Variants in WDR93 observed in about 807,000 individuals in gnomAD.
The protein encoded by WDR93 is WD repeat domain 93, also known as WD repeat-containing protein 93.
In WDR93, 73 loss-of-function variants were observed where a neutral mutation model predicts 82.9. That is an observed-to-expected ratio of 0.88 (90% confidence interval 0.73 to 1.07). The LOEUF (loss-of-function observed/expected upper bound fraction) is 1.07, where lower values mean the gene tolerates loss of function less well. WDR93 is among the 50% of genes least tolerant of loss of function. WDR93 has a pLI of 0.00. For synonymous variants in WDR93, 283 were observed against 300.1 expected (o/e 0.94, Z 0.59); for missense variants, 738 against 826.0 (o/e 0.89, Z 1.31).
intron 16 of WDR93, among the ~76,000 whole-genome samples, chr15:89,739,677 C>T (rs531567846): frequency 1.3e-5 from 2 of 152,312 alleles, no homozygotes; most frequent in East Asian, 1.9e-4. Context: ...CCTGGATCCT[C>T]GTCCCGGGCC....
intron 8 of WDR93, 50 bp downstream of exon 8, chr15:89,722,189 T>C: frequency 7.5e-7 from 1 of 1,328,580 alleles, no homozygotes; most frequent in Non-Finnish European, 1.1e-6. Context: ...TATCTGTTCT[T>C]TCTTCCTTTC....
At chr15:89,726,559 GC>G (rs1185691503) in intron 8 of WDR93, among the ~76,000 whole-genome samples, 1 of 152,218 alleles carries the variant, frequency 6.6e-6, no homozygotes, top group East Asian at 1.9e-4. Context: ...AACTCAGGGT[GC>G]AAATCCAGAA....
At chr15:89,695,153 T>C (rs1259858065) in intron 1 of WDR93, among the ~76,000 whole-genome samples, 1 of 122,804 alleles carries the variant, frequency 8.1e-6, no homozygotes, top group African/African-American at 3.1e-5. Context: ...CTTCTTAATT[T>C]CTGGAAAAAA....
intron 1 of WDR93, among the ~76,000 whole-genome samples, chr15:89,693,149 A>G (rs559124080): frequency 2.6e-5 from 4 of 152,362 alleles, no homozygotes; most frequent in Non-Finnish European, 5.9e-5. Flanking sequence ...TGAAGCCATT[A>G]TAAATAAAGC....
rs556805833 is a variant in WDR93 at position 89,727,027 on chromosome 15, T to C, written c.881-130T>C. Reference sequence around the variant, plus strand: ...CGGGAGAAGACTGAATACAGACCAATTGCAGAGCAAGAATCGATTTCTGAG... The same window carrying C: ...CGGGAGAAGACTGAATACAGACCAACTGCAGAGCAAGAATCGATTTCTGAG... On this transcript the variant is annotated intron_variant, in intron 8 of 16. Transcript: ENST00000268130. 58 of 1,047,028 alleles carry C rather than the reference T, an allele frequency of 5.5e-5. 1 individual carries two copies. The East Asian group carries it at 1.2e-3, about 22-fold the overall frequency. The allele number at this position is 1,047,028 out of a possible 1,614,324, so 64.9% of individuals were successfully genotyped here. A position where few individuals can be genotyped will look rare whatever the true frequency, so the allele number is the denominator to read the frequency against.
At chr15:89,728,843 A>G (rs1323141650) in intron 9 of WDR93, among the ~76,000 whole-genome samples, 180 bp from the exon 10 acceptor site, 1 of 152,150 alleles carries the variant, frequency 6.6e-6, no homozygotes, top group Admixed American at 6.5e-5. Context: ...CCTCACCAGC[A>G]TCCAAGGTCA....
In WDR93 at chr15:89,701,845, G is replaced by A. The variant is rs1965480312; in HGVS notation, c.99G>A (p.Trp33Ter). 1.9e-6 allele frequency: 3 copies of A among 1,614,186 alleles called. No homozygotes were observed. The highest frequency in any genetic ancestry group is 4.5e-5 in the East Asian group (2 of 44,884). ...TGCCACCCCCAACAGAGAAGGACTG[G>A]CCTAAAGACGATGAACAGGATCATG... Reference protein sequence around the residue: ...LEVPPPTEKDWPKDDEQDHVL... With the variant: ...LEVPPPTEKD The change falls in exon 2 of 17, where the codon TGG becomes TGA. Residue 33 changes from tryptophan (W) to a stop codon, truncating the protein, a stop_gained. Coordinates refer to ENST00000268130, the MANE Select transcript of WDR93 (RefSeq NM_020212.2). LOFTEE classifies it high-confidence loss of function.
In WDR93 at chr15:89,727,341, A is replaced by T. The variant is rs1384777878; in HGVS notation, c.1052+13A>T. ...AAGAGCCACTCAGGTGAGCCTCCTA[A>T]TCCCGGGAAAGCCAGGGAGCATCCC... On this transcript the variant is annotated intron_variant, in intron 9 of 16. Transcript: ENST00000268130. 6.2e-7 allele frequency: 1 copy of T among 1,612,530 alleles called. No individual in the cohort carries two copies. Among genetic ancestry groups the T allele is most frequent in the Non-Finnish European group, 8.5e-7 (1 of 1,179,542 alleles).
intron 8 of WDR93, among the ~76,000 whole-genome samples, chr15:89,725,789 G>A (rs538041967): frequency 2.6e-5 from 4 of 152,006 alleles, no homozygotes; most frequent in East Asian, 1.9e-4. Context: ...CTCAAACTCC[G>A]GGGCTCAAGC....
chr15:89,735,070 C>T (rs1484128790), intron 13 of WDR93, among the ~76,000 whole-genome samples: 1 of 151,006 alleles, frequency 6.6e-6, no homozygotes, highest in East Asian at 2.0e-4. Flanking sequence ...TTGTTTGAGA[C>T]ACGGTCTCAC....
chr15:89,712,351 A>C (rs1966017143), intron 5 of WDR93, among the ~76,000 whole-genome samples: 1 of 129,198 alleles, frequency 7.7e-6, no homozygotes, highest in Non-Finnish European at 1.7e-5. Context: ...ACTAACTCTT[A>C]ACTACAGATT....
chr15:89,732,176 T>C (rs533781071), intron 12 of WDR93, among the ~76,000 whole-genome samples: 1 of 152,338 alleles, frequency 6.6e-6, no homozygotes, highest in South Asian at 2.1e-4. Context: ...TAAAGGCCAG[T>C]AATGACTCAG....
At chr15:89,738,010 C>A (rs1448699839) in intron 15 of WDR93, 31 bp from the exon 16 acceptor site, 1 of 1,572,926 alleles carries the variant, frequency 6.4e-7, no homozygotes, top group South Asian at 1.2e-5. Flanking sequence ...GCGATTGTTA[C>A]ACAGAACATG....
intron 8 of WDR93, among the ~76,000 whole-genome samples, chr15:89,723,344 AAGG>A (rs1966603850): frequency 6.6e-6 from 1 of 151,854 alleles, no homozygotes; most frequent in African/African-American, 2.4e-5. Flanking sequence ...TGAGAGGCCA[AAGG>A]AGGAGGATCA....
chr15:89,735,697 G>T, intron 14 of WDR93, 144 bp downstream of exon 14: 1 of 806,070 alleles, frequency 1.2e-6, no homozygotes, highest in Non-Finnish European at 2.0e-6. Flanking sequence ...CAAATAGAAA[G>T]AGAAAGAACC....
Position 89,731,468 on chromosome 15 carries a change from T to C in WDR93, c.1236T>C (p.Ala412=), listed in dbSNP as rs1567125856. 5 of 1,614,212 alleles carry C rather than the reference T, an allele frequency of 3.1e-6. No individual in the cohort carries two copies. The South Asian group carries it at 3.3e-5, about 11-fold the overall frequency. ...ACCCCGAGGGTGTGTGGCCCTGTGC[T>C]GCGCCCATTGCAGTCTCTCAGCTCA... ...KADPEGVWPC[A]APIAVSQLSC... Residue 412 remains alanine (A), a synonymous_variant, in exon 12 of 17, where the codon GCT becomes GCC. Coordinates refer to ENST00000268130, the MANE Select transcript of WDR93 (RefSeq NM_020212.2).
intron 14 of WDR93, 91 bp downstream of exon 14, chr15:89,735,644 A>G (rs1222214928): frequency 7.4e-7 from 1 of 1,354,490 alleles, no homozygotes; most frequent in East Asian, 2.3e-5. Flanking sequence ...ATGCTTATTG[A>G]AGGCCTGTTA....
intron 9 of WDR93, 26 bp from the exon 10 acceptor site, chr15:89,728,997 C>T (rs1596111348): frequency 1.2e-6 from 2 of 1,606,832 alleles, no homozygotes; most frequent in African/African-American, 1.3e-5. Context: ...CTACATGGCT[C>T]TGACTCGTGT....
In WDR93 at chr15:89,709,826, T is replaced by A. The variant is rs2141620424; in HGVS notation, c.562-2200T>A. 2.6e-5 allele frequency among the ~76,000 whole-genome samples: 4 copies of A among 151,908 alleles called. No homozygotes were observed. The South Asian group carries it at 8.3e-4, about 32-fold the overall frequency. The stretch of plus-strand genomic sequence containing the variant: ...TGAAAACATTTGTTCACAAAAAGAT[T>A]TGTACAAGATGTTCATAGCAGCTGT... On this transcript the variant is annotated intron_variant, in intron 4 of 16. Coordinates refer to ENST00000268130, the MANE Select transcript of WDR93 (RefSeq NM_020212.2).
Sources: gnomAD v4.1 joint callset for allele counts (sites outside exome capture counted in the v4.1 genomes callset) on GRCh38, gnomAD v4.1.1 for gene constraint, MANE v1.5 for transcripts, NCBI Gene and HGNC (gene_info 2026-07-23, HGNC 2026-07-21) for gene names.